MYT1L: variants seen among roughly 807,000 people sequenced by gnomAD.
MYT1L encodes the protein myelin transcription factor 1-like protein.
A neutral mutation model predicts 126.7 loss-of-function variants in MYT1L; 12 were observed. That is an observed-to-expected ratio of 0.09 (90% CI 0.06 to 0.15). MYT1L has a LOEUF of 0.15. Ranked by LOEUF, MYT1L falls within the 10% of genes least tolerant of loss-of-function variation. MYT1L has a pLI of 1.00. For synonymous variants in MYT1L, 541 were observed against 604.2 expected (o/e 0.90, Z 1.53); for missense variants, 979 against 1,585.2 (o/e 0.62, Z 6.49).
At chr2:2,102,036 T>C (rs1323716542) in intron 3 of MYT1L, among the ~76,000 whole-genome samples, 1 of 152,196 alleles carries the variant, frequency 6.6e-6, no homozygotes, top group Non-Finnish European at 1.5e-5. Context: ...CTTTCCTGAA[T>C]ACATTATCTC....
Position 1,801,151 on chromosome 2 carries a change from C to A in MYT1L, c.3276+545G>T. 1 of 153,032 alleles carries A rather than the reference C, an allele frequency of 6.5e-6. No individual in the cohort carries two copies. The highest frequency in any genetic ancestry group is 1.5e-5 in the Non-Finnish European group (1 of 68,704). 9.5% of individuals were successfully genotyped at this position (153,032 alleles called of 1,614,324 possible). A position where few individuals can be genotyped will look rare whatever the true frequency, so the allele number is the denominator to read the frequency against. On this transcript the variant is annotated intron_variant, in intron 23 of 24. Transcript: ENST00000647738. The surrounding 1 kb of genome is among the most constrained non-coding windows in gnomAD (Gnocchi z 4.2). ...TTAAGATGAGGCTGAGGACGTTTAC[C>A]CTGTGGGCTGCTTGTGGGCATGGAG...
chr2:2,019,804 AT>A (rs142771594), intron 4 of MYT1L, among the ~76,000 whole-genome samples: 6 of 150,470 alleles, frequency 4.0e-5, no homozygotes, highest in South Asian at 2.1e-4. Context: ...ATATTCTTCT[AT>A]TTTTTTTTCA....
At chr2:2,079,672 T>A (rs939824159) in intron 3 of MYT1L, among the ~76,000 whole-genome samples, 4 of 151,970 alleles carry the variant, frequency 2.6e-5, no homozygotes, top group African/African-American at 9.7e-5. Context: ...CCAGGCATGG[T>A]GGTGGGCGCC....
intron 23 of MYT1L, among the ~76,000 whole-genome samples, chr2:1,792,964 T>C (rs17247463): frequency 0.02 from 3,000 of 152,098 alleles, 54 homozygotes; most frequent in Non-Finnish European, 0.032. Flanking sequence ...TCATTGCACT[T>C]GACAACTGGG....
At chr2:2,042,335 C>G (rs1294549015) in intron 4 of MYT1L, among the ~76,000 whole-genome samples, 2 of 152,138 alleles carry the variant, frequency 1.3e-5, no homozygotes, top group Non-Finnish European at 2.9e-5. Flanking sequence ...AGTTGTCCCA[C>G]CATAAATTGA....
chr2:2,102,479 A>G (rs2078217182), intron 3 of MYT1L, among the ~76,000 whole-genome samples: 1 of 151,980 alleles, frequency 6.6e-6, no homozygotes, highest in African/African-American at 2.4e-5. Context: ...ACATATCAAT[A>G]TTGTTCTTTG....
chr2:1,890,865 G>A (rs1375528176), intron 15 of MYT1L, among the ~76,000 whole-genome samples: 2 of 152,128 alleles, frequency 1.3e-5, no homozygotes, highest in Non-Finnish European at 2.9e-5. Context: ...GTATCATTCT[G>A]CCTGAACTCT....
At chr2:2,255,349 A>G (rs1446295713) in intron 2 of MYT1L, among the ~76,000 whole-genome samples, 1 of 152,080 alleles carries the variant, frequency 6.6e-6, no homozygotes, top group Non-Finnish European at 1.5e-5. Flanking sequence ...GGGGGTTGTT[A>G]GTTTTTAAGC....
intron 21 of MYT1L, among the ~76,000 whole-genome samples, chr2:1,810,288 T>C (rs930324926): frequency 7.2e-5 from 11 of 152,076 alleles, no homozygotes; most frequent in African/African-American, 2.7e-4. Flanking sequence ...TACAGGTGTG[T>C]GCCACCACAC....
intron 2 of MYT1L, among the ~76,000 whole-genome samples, chr2:2,221,370 C>A (rs1363225964): frequency 6.6e-6 from 1 of 152,098 alleles, no homozygotes; most frequent in African/African-American, 2.4e-5. Context: ...GCTAGGTAAA[C>A]AGAAATCTGG....
chr2:2,210,713 T>C (rs1396174935), intron 2 of MYT1L, among the ~76,000 whole-genome samples: 1 of 152,188 alleles, frequency 6.6e-6, no homozygotes, highest in African/African-American at 2.4e-5. Flanking sequence ...CTATTCTAGG[T>C]CTTTTGTGGT....
At chr2:2,036,676 A>C (rs977655912) in intron 4 of MYT1L, among the ~76,000 whole-genome samples, 1 of 152,220 alleles carries the variant, frequency 6.6e-6, no homozygotes, top group Non-Finnish European at 1.5e-5. Flanking sequence ...TTTGTTGATC[A>C]ATGCAATGAT....
intron 18 of MYT1L, among the ~76,000 whole-genome samples, chr2:1,869,760 A>T (rs2046045085): frequency 6.6e-6 from 1 of 152,168 alleles, no homozygotes; most frequent in South Asian, 2.1e-4. Context: ...TCATTATCCC[A>T]GTTTCAGAAA....
intron 8 of MYT1L, among the ~76,000 whole-genome samples, chr2:1,962,275 G>A (rs2059014742): frequency 2.0e-5 from 3 of 152,172 alleles, no homozygotes; most frequent in Admixed American, 2.0e-4. Context: ...TGTTGAGTAG[G>A]TGTTTAAATA....
intron 21 of MYT1L, among the ~76,000 whole-genome samples, chr2:1,836,453 A>G (rs1205995498): frequency 6.7e-6 from 1 of 150,158 alleles, no homozygotes; most frequent in Non-Finnish European, 1.5e-5. Flanking sequence ...CCAACATTCC[A>G]TCAGCCTGTG....
At chr2:2,025,730 T>G (rs1461484915) in intron 4 of MYT1L, among the ~76,000 whole-genome samples, 2 of 152,232 alleles carry the variant, frequency 1.3e-5, no homozygotes, top group African/African-American at 4.8e-5. Flanking sequence ...CGAAACACAA[T>G]GCAAGAACAC....
intron 8 of MYT1L, among the ~76,000 whole-genome samples, chr2:1,966,127 C>T (rs1015615456): frequency 1.3e-5 from 2 of 152,244 alleles, no homozygotes; most frequent in African/African-American, 4.8e-5. Flanking sequence ...TGGCAGGAAG[C>T]ATCACCTCTG....
rs567499395 is a variant in MYT1L, at chr2:2,253,442, G to A, written c.-421+30962C>T. 3.9e-5 allele frequency among the ~76,000 whole-genome samples: 6 copies of A among 152,342 alleles called. No homozygotes were observed. The East Asian group carries it at 5.8e-4, about 15-fold the overall frequency. On this transcript the variant is annotated intron_variant, in intron 2 of 24. Transcript: ENST00000647738. ...CTCAGCGGGAAATCTCAGTAATGGC[G>A]TGGCCCAGAGTCACTGACTGATAAT... is the stretch of plus-strand genomic sequence containing the variant.
At chr2:1,845,330 G>T (rs2042354873) in intron 19 of MYT1L, among the ~76,000 whole-genome samples, 1 of 152,122 alleles carries the variant, frequency 6.6e-6, no homozygotes, top group Non-Finnish European at 1.5e-5. Context: ...AGTTGGAACA[G>T]CTCATCTGCT....
Sources: gnomAD v4.1 joint callset for allele counts (sites outside exome capture counted in the v4.1 genomes callset) on GRCh38, gnomAD v4.1.1 for gene constraint, Gnocchi (gnomAD v3.1) non-coding constraint, MANE v1.5 for transcripts, NCBI Gene and HGNC (gene_info 2026-07-23, HGNC 2026-07-21) for gene names.